Variants in DNAJC12 observed in about 807,000 individuals in gnomAD.
The protein encoded by DNAJC12 is DnaJ heat shock protein family (Hsp40) member C12, also known as dnaJ homolog subfamily C member 12.
Under a neutral mutation model 28.5 loss-of-function variants are expected in DNAJC12, and 25 were observed. That is an observed-to-expected ratio of 0.88 (90% CI 0.64 to 1.22). The LOEUF (loss-of-function observed/expected upper bound fraction) is 1.22. Ranked by LOEUF, DNAJC12 falls within the 50% of genes most tolerant of loss-of-function variation. The pLI is 0.00. For missense variants in DNAJC12, 222 were observed against 231.7 expected, an observed-to-expected ratio of 0.96 and a Z score of 0.27; for synonymous variants, 77 against 80.6, an observed-to-expected ratio of 0.95 and a Z score of 0.24.
intron 2 of DNAJC12, among the ~76,000 whole-genome samples, chr10:67,812,838 C>A (rs1474855184): frequency 4.7e-5 from 7 of 147,394 alleles, no homozygotes; most frequent in Non-Finnish European, 7.4e-5. Context: ...GGCGACAGAG[C>A]GAGACTCCAT....
At chr10:67,800,219 CT>C (rs1400293026) in intron 4 of DNAJC12, among the ~76,000 whole-genome samples, 1 of 17,892 alleles carries the variant, frequency 5.6e-5, no homozygotes, top group Non-Finnish European at 1.0e-4. Flanking sequence ...GAGACTCTAT[CT>C]CAAAAAAAAA....
intron 2 of DNAJC12, among the ~76,000 whole-genome samples, chr10:67,817,251 A>G (rs1019871483): frequency 3.3e-5 from 5 of 152,186 alleles, no homozygotes; most frequent in Non-Finnish European, 7.3e-5. Flanking sequence ...ATGAAGTAAT[A>G]TACTACTAGT....
chr10:67,809,792 A>T (rs1841840675), intron 3 of DNAJC12, among the ~76,000 whole-genome samples: 1 of 152,218 alleles, frequency 6.6e-6, no homozygotes, highest in African/African-American at 2.4e-5. Context: ...AGCTACGGAT[A>T]CACAAAAGCA....
intron 4 of DNAJC12, among the ~76,000 whole-genome samples, chr10:67,802,766 T>A (rs1841759171): frequency 6.6e-6 from 1 of 152,116 alleles, no homozygotes; most frequent in South Asian, 2.1e-4. Context: ...ATAATAAAAG[T>A]TAACACTAAA....
At chr10:67,806,354 A>G (rs2131792670) in intron 3 of DNAJC12, among the ~76,000 whole-genome samples, 1 of 152,294 alleles carries the variant, frequency 6.6e-6, no homozygotes, top group South Asian at 2.1e-4. Flanking sequence ...ATCAAATCAA[A>G]GAAGTCATTT....
rs754984882 is a variant in DNAJC12, at chr10:67,823,325, T to C, written c.146A>G (p.Asn49Ser). ...TATTAAGTTCTTACCAGCTTTGGGG[T>C]TTTCAGGATGCTTGTCTGGGTGACA... ...LECHPDKHPE[N>S]PKAVETFQKL... The change falls in exon 2 of 5, where the codon AAC (asparagine) becomes AGC (serine). Residue 49 changes from asparagine to serine, a missense_variant. Transcript: ENST00000225171. The C allele has an allele frequency of 1.9e-6, 3 of 1,613,914 alleles. No individual in the cohort carries two copies. The highest frequency in any genetic ancestry group is 2.5e-6 in the Non-Finnish European group (3 of 1,179,938).
chr10:67,805,113 A>G (rs529141515), intron 4 of DNAJC12, among the ~76,000 whole-genome samples: 7 of 152,162 alleles, frequency 4.6e-5, no homozygotes, highest in South Asian at 4.1e-4. Context: ...ACTGAAGTCA[A>G]CCTGCCTTGG....
At chr10:67,812,713 GGGT>G (rs952832165) in intron 2 of DNAJC12, among the ~76,000 whole-genome samples, 9 of 151,960 alleles carry the variant, frequency 5.9e-5, no homozygotes, top group Non-Finnish European at 1.2e-4. Context: ...AAATAGCTGG[GGGT>G]GGTGGCAGGC....
intron 2 of DNAJC12, among the ~76,000 whole-genome samples, chr10:67,812,858 A>G (rs1454378819): frequency 2.0e-5 from 3 of 151,296 alleles, no homozygotes; most frequent in African/African-American, 4.9e-5. Flanking sequence ...TCTCAAAAAA[A>G]AAAAACAAAA....
At chr10:67,835,507 C>T (rs1415473563) in intron 1 of DNAJC12, among the ~76,000 whole-genome samples, 1 of 151,942 alleles carries the variant, frequency 6.6e-6, no homozygotes, top group East Asian at 1.9e-4. Context: ...CTGGCCAACA[C>T]GGTGAAACCC....
At chr10:67,828,769 G>T (rs1338333195) in intron 1 of DNAJC12, among the ~76,000 whole-genome samples, 1 of 151,758 alleles carries the variant, frequency 6.6e-6, no homozygotes, top group Non-Finnish European at 1.5e-5. Context: ...TTTGTCTAAG[G>T]AGATAATCAG....
chr10:67,826,037 A>T (rs1404671824), intron 1 of DNAJC12, among the ~76,000 whole-genome samples: 2 of 152,222 alleles, frequency 1.3e-5, no homozygotes, highest in African/African-American at 4.8e-5. Context: ...AAAACGTTCT[A>T]TCACTACAGA....
chr10:67,808,100 T>C (rs1841821202), intron 3 of DNAJC12, among the ~76,000 whole-genome samples: 1 of 152,212 alleles, frequency 6.6e-6, no homozygotes, highest in South Asian at 2.1e-4. Context: ...TTCACAAGCA[T>C]ATTTCTCAAC....
At chr10:67,821,241 G>T (rs987157831) in intron 2 of DNAJC12, among the ~76,000 whole-genome samples, 11 of 151,998 alleles carry the variant, frequency 7.2e-5, no homozygotes, top group African/African-American at 2.7e-4. Context: ...ATAAGGCCAG[G>T]CACAGTGACT....
intron 1 of DNAJC12, among the ~76,000 whole-genome samples, chr10:67,832,388 G>C (rs540000814): frequency 1.4e-3 from 220 of 151,766 alleles, no homozygotes; most frequent in African/African-American, 5.1e-3. Context: ...CCAGATATTA[G>C]CAATATCCCT....
At chr10:67,830,481 G>A (rs530261345) in intron 1 of DNAJC12, among the ~76,000 whole-genome samples, 2 of 150,946 alleles carry the variant, frequency 1.3e-5, no homozygotes, top group African/African-American at 4.9e-5. Flanking sequence ...GGTGGCAGGC[G>A]CCTGTAATCA....
intron 2 of DNAJC12, among the ~76,000 whole-genome samples, chr10:67,821,645 A>G (rs1257501131): frequency 6.6e-6 from 1 of 152,180 alleles, no homozygotes; most frequent in Admixed American, 6.5e-5. Context: ...CTGTTAGAGT[A>G]TTTTTTATTC....
At chr10:67,815,432 C>T (rs978949778) in intron 2 of DNAJC12, among the ~76,000 whole-genome samples, 5 of 142,372 alleles carry the variant, frequency 3.5e-5, no homozygotes, top group Non-Finnish European at 7.4e-5. Context: ...CGCTTGAACC[C>T]AGGAGGTGGA....
intron 1 of DNAJC12, among the ~76,000 whole-genome samples, chr10:67,832,202 T>C (rs1589051124): frequency 6.6e-6 from 1 of 150,938 alleles, no homozygotes. Context: ...GAGGCGAAGG[T>C]TGCAGTGAGC....
Sources: allele counts gnomAD v4.1 joint callset (sites outside exome capture counted in the v4.1 genomes callset), GRCh38; gene constraint gnomAD v4.1.1; transcripts MANE v1.5; gene names NCBI Gene and HGNC (gene_info 2026-07-23, HGNC 2026-07-21).